The following PTPRD variants were observed in gnomAD, a reference collection of about 807,000 sequenced individuals.
PTPRD encodes receptor-type tyrosine-protein phosphatase delta.
A neutral mutation model predicts 214.5 loss-of-function variants in PTPRD; 34 were observed. That is an observed-to-expected ratio of 0.16 (90% CI 0.12 to 0.21). PTPRD has a LOEUF of 0.21. PTPRD is among the 10% of genes least tolerant of loss of function. The pLI is 1.00. For synonymous variants in PTPRD, 1,128 were observed against 845.7 expected, an observed-to-expected ratio of 1.33 and a Z score of -5.79; for missense variants, 2,545 against 2,398.7, an observed-to-expected ratio of 1.06 and a Z score of -1.27.
intron 3 of PTPRD, among the ~76,000 whole-genome samples, chr9:10,167,528 A>G (rs565650445): frequency 2.0e-4 from 31 of 152,190 alleles, no homozygotes; most frequent in South Asian, 4.1e-4. Flanking sequence ...CTATTAGGAA[A>G]TGGAATACTC....
intron 12 of PTPRD, among the ~76,000 whole-genome samples, chr9:8,688,975 A>G (rs1227465763): frequency 2.0e-5 from 3 of 152,202 alleles, no homozygotes; most frequent in African/African-American, 7.2e-5. Context: ...TCTAAATTTT[A>G]TAAATCAGGG....
chr9:8,615,988 CA>C (rs1203128123), intron 14 of PTPRD, among the ~76,000 whole-genome samples: 2 of 152,066 alleles, frequency 1.3e-5, no homozygotes, highest in Admixed American at 1.3e-4. Context: ...CCATTTAAAA[CA>C]ATTCCTTTTC....
intron 11 of PTPRD, among the ~76,000 whole-genome samples, chr9:8,787,889 A>G (rs1323004394): frequency 9.5e-6 from 1 of 104,818 alleles, no homozygotes. Flanking sequence ...ACCTCTAGAA[A>G]GGAAGCATTT....
chr9:9,462,777 T>A (rs780539060), intron 8 of PTPRD, among the ~76,000 whole-genome samples: 1 of 152,134 alleles, frequency 6.6e-6, no homozygotes, highest in Non-Finnish European at 1.5e-5. Flanking sequence ...GCAGGTGACA[T>A]GGCAGATGAT....
intron 11 of PTPRD, among the ~76,000 whole-genome samples, chr9:8,831,927 A>T (rs1340423855): frequency 6.6e-6 from 1 of 152,102 alleles, no homozygotes; most frequent in Non-Finnish European, 1.5e-5. Flanking sequence ...TGACAGTTGG[A>T]AATGGGTACA....
intron 9 of PTPRD, among the ~76,000 whole-genome samples, chr9:9,240,113 G>C (rs2099969639): frequency 6.6e-6 from 1 of 152,084 alleles, no homozygotes; most frequent in South Asian, 2.1e-4. Flanking sequence ...TAAGATATAA[G>C]TGGAATAAAA....
At chr9:10,231,572 A>G (rs1432109479) in intron 3 of PTPRD, among the ~76,000 whole-genome samples, 1 of 151,806 alleles carries the variant, frequency 6.6e-6, no homozygotes, top group Non-Finnish European at 1.5e-5. Flanking sequence ...GAGGTGGTGC[A>G]CATACACATG....
At chr9:8,595,897 C>T (rs1388493537) in intron 14 of PTPRD, among the ~76,000 whole-genome samples, 3 of 152,136 alleles carry the variant, frequency 2.0e-5, no homozygotes, top group Non-Finnish European at 4.4e-5. Flanking sequence ...GTAGGCTAGA[C>T]ACTTATCTTA....
At chr9:8,748,025 C>T (rs1012736165) in intron 11 of PTPRD, among the ~76,000 whole-genome samples, 5 of 152,136 alleles carry the variant, frequency 3.3e-5, no homozygotes, top group Admixed American at 3.3e-4. Flanking sequence ...CCGCGGACCC[C>T]TGGACCGGCC....
chr9:9,592,854 G>A (rs977379472), intron 7 of PTPRD, among the ~76,000 whole-genome samples: 4 of 151,994 alleles, frequency 2.6e-5, no homozygotes, highest in African/African-American at 7.2e-5. Flanking sequence ...AGATCAGTCT[G>A]GCCGACATGG....
chr9:9,642,281 G>A (rs2095989504), intron 7 of PTPRD, among the ~76,000 whole-genome samples: 1 of 122,254 alleles, frequency 8.2e-6, no homozygotes, highest in South Asian at 3.4e-4. Context: ...GGGGGGAGGG[G>A]GGAGGGATAG....
At chr9:8,442,134 TAA>T (rs2095566764) in intron 34 of PTPRD, among the ~76,000 whole-genome samples, 1 of 152,196 alleles carries the variant, frequency 6.6e-6, no homozygotes. Flanking sequence ...CAAAATATCC[TAA>T]GTTTCCAAGA....
intron 44 of PTPRD, among the ~76,000 whole-genome samples, chr9:8,328,785 A>T (rs1452703136): frequency 6.6e-6 from 1 of 151,742 alleles, no homozygotes; most frequent in African/African-American, 2.4e-5. Context: ...TTGATCTTCA[A>T]TCTCGGACAT....
Position 8,970,783 on chromosome 9 carries a change from G to A in PTPRD, c.-104+47914C>T, listed in dbSNP as rs576952113. 4.0e-5 allele frequency among the ~76,000 whole-genome samples: 6 copies of A among 151,718 alleles called. No homozygotes were observed. In the East Asian group the frequency reaches 1.2e-3, roughly 30 times the overall value. On this transcript the variant is annotated intron_variant, in intron 11 of 45. Coordinates refer to ENST00000381196, the MANE Select transcript of PTPRD (RefSeq NM_002839.4). ...ATTTTCAGTTGTTTTTGATAAAGCA[G>A]GACAAAATAAAACCAAAACACATGG... is the stretch of plus-strand genomic sequence containing the variant.
intron 10 of PTPRD, among the ~76,000 whole-genome samples, chr9:9,042,629 T>C (rs1259781871): frequency 2.3e-4 from 34 of 144,792 alleles, no homozygotes; most frequent in Admixed American, 2.1e-3. Flanking sequence ...CTTTTTTTTT[T>C]TTTTTGGTCT....
At chr9:8,629,035 TA>T (rs2096153524) in intron 14 of PTPRD, among the ~76,000 whole-genome samples, 1 of 151,750 alleles carries the variant, frequency 6.6e-6, no homozygotes, top group Non-Finnish European at 1.5e-5. Flanking sequence ...AGTCTAAAAA[TA>T]ATCTACTAAG....
Position 10,549,735 on chromosome 9 carries a change from T to C in PTPRD, c.-600+62663A>G, listed in dbSNP as rs370556661. Among the ~76,000 whole-genome samples the C allele has an allele frequency of 2.6e-5, 4 of 152,162 alleles. No homozygotes were observed. In the South Asian group the frequency reaches 8.3e-4, roughly 32 times the overall value. ...AAAGCCATGTGTACTTCTATGTTGT[T>C]TGTCTTCTTCATAAAAACTATCTGA... On this transcript the variant is annotated intron_variant, in intron 2 of 45. Coordinates refer to ENST00000381196, the MANE Select transcript of PTPRD (RefSeq NM_002839.4).
intron 3 of PTPRD, among the ~76,000 whole-genome samples, chr9:10,184,466 A>G (rs2099319252): frequency 1.3e-5 from 2 of 152,162 alleles, no homozygotes; most frequent in Admixed American, 1.3e-4. Flanking sequence ...TTAGAATTCA[A>G]TAACCTAGAC....
At chr9:10,382,161 C>G (rs936375331) in intron 2 of PTPRD, among the ~76,000 whole-genome samples, 2 of 151,840 alleles carry the variant, frequency 1.3e-5, no homozygotes, top group Non-Finnish European at 2.9e-5. Flanking sequence ...AACAATGATG[C>G]CAAACTGATC....
Sources: allele counts gnomAD v4.1 joint callset (sites outside exome capture counted in the v4.1 genomes callset), GRCh38; gene constraint gnomAD v4.1.1; transcripts MANE v1.5; gene names NCBI Gene and HGNC (gene_info 2026-07-23, HGNC 2026-07-21).